Variants in PCDHGA5 observed in about 807,000 individuals in gnomAD.
PCDHGA5 encodes protocadherin gamma subfamily A, 5.
In PCDHGA5, 36 loss-of-function variants were observed where a neutral mutation model predicts 56.7. The ratio of observed to expected loss-of-function variants is 0.64; its 90% CI spans 0.49 to 0.84. The LOEUF (loss-of-function observed/expected upper bound fraction) is 0.84. PCDHGA5 is among the 40% of genes least tolerant of loss of function. PCDHGA5 has a pLI of 0.00. For missense variants in PCDHGA5, 1,305 were observed against 1,201.5 expected, an observed-to-expected ratio of 1.09 and a Z score of -1.27; for synonymous variants, 563 against 520.2, an observed-to-expected ratio of 1.08 and a Z score of -1.12.
intron 1 of PCDHGA5, chr5:141,374,825 C>A (rs11575953): frequency 0.017 from 27,610 of 1,613,884 alleles, 291 homozygotes; most frequent in African/African-American, 0.03. Context: ...GCCTGTCTAC[C>A]GTGTAAGTGT....
rs750876131 is a variant in PCDHGA5 at position 141,366,508 on chromosome 5, G to C, written c.2178G>C (p.Gln726His). 2.5e-6 allele frequency: 4 copies of C among 1,614,144 alleles called. No individual in the cohort carries two copies. The African/African-American group carries it at 5.3e-5, about 22-fold the overall frequency. Reference sequence around the variant, plus strand: ...GCTGGCACAAGTCACGCCTGCTTCAGGCTGAAGGCAGCAGGTTGGCGGGTG... The same window carrying C: ...GCTGGCACAAGTCACGCCTGCTTCACGCTGAAGGCAGCAGGTTGGCGGGTG... Reference protein sequence around the residue: ...LRRWHKSRLLQAEGSRLAGVP... With the variant: ...LRRWHKSRLLHAEGSRLAGVP... The change falls in exon 1 of 4, where the codon CAG (glutamine) becomes CAC (histidine). Residue 726 changes from glutamine (Q) to histidine (H), a missense_variant. Transcript: ENST00000518069.
chr5:141,410,817 A>T, intron 1 of PCDHGA5: 1 of 524,252 alleles, frequency 1.9e-6, no homozygotes, highest in Non-Finnish European at 3.1e-6. Context: ...TTGTAAAATA[A>T]TGTCACCAGA....
chr5:141,365,396 A>G lies in PCDHGA5; in HGVS notation c.1066A>G (p.Ile356Val), dbSNP rs554930491. ...GATCCTCACCTCTCTGACCAGTTCG[A>G]TCTCTGAAGACTGTCTTCCCGGAAC... ...EVILTSLTSSISEDCLPGTVI... is the reference protein window; with the variant it reads ...EVILTSLTSSVSEDCLPGTVI... The change falls in exon 1 of 4, where the codon ATC becomes GTC. Residue 356 changes from isoleucine to valine, a missense_variant. Coordinates refer to ENST00000518069, the MANE Select transcript of PCDHGA5 (RefSeq NM_018918.3). The G allele has an allele frequency of 3.7e-6, 6 of 1,613,940 alleles. No individual in the cohort carries two copies. The Admixed American group carries it at 1.0e-4, about 27-fold the overall frequency.
intron 1 of PCDHGA5, chr5:141,389,189 C>CATCA: frequency 6.2e-7 from 1 of 1,614,032 alleles, no homozygotes; most frequent in Non-Finnish European, 8.5e-7. Context: ...CCAGTTCCAG[C>CATCA]ATCACCCTGC....
chr5:141,462,242 G>A (rs1325040495), intron 1 of PCDHGA5, among the ~76,000 whole-genome samples: 3 of 152,234 alleles, frequency 2.0e-5, no homozygotes, highest in Non-Finnish European at 4.4e-5. Context: ...TTACAGGTAT[G>A]AGCCACCATG....
chr5:141,487,671 G>A lies in PCDHGA5; in HGVS notation c.2422-7136G>A. The A allele has an allele frequency of 6.2e-7, 1 of 1,612,012 alleles. No homozygotes were observed. The highest frequency in any genetic ancestry group is 8.5e-7 in the Non-Finnish European group (1 of 1,178,932). ...GAGGGTTATTCTGATCCAGGCATAT[G>A]GCTAGGCCATGTCCTAGAGAGTACT... On this transcript the variant is annotated intron_variant, in intron 1 of 3. Transcript: ENST00000518069. This position sits in a 1 kb window ranked among gnomAD's most constrained non-coding sequence, Gnocchi z 5.0.
Position 141,366,286 on chromosome 5 carries a change from C to T in PCDHGA5, c.1956C>T (p.Pro652=). The change falls in exon 1 of 4, where the codon CCC becomes CCT. Residue 652 remains proline, a synonymous_variant. Transcript: ENST00000518069. ...TGGCCGTCGAAGACCATGGCCAGCCCCCTCTGTCAGCCACCTTCACGGTCA... is the reference window on the plus strand; with the variant it reads ...TGGCCGTCGAAGACCATGGCCAGCCTCCTCTGTCAGCCACCTTCACGGTCA... ...LVVAVEDHGQ[P]PLSATFTVTV... is the part of the protein sequence containing the mutation. 1 of 1,613,720 alleles carries T rather than the reference C, an allele frequency of 6.2e-7. No individual in the cohort carries two copies.
intron 1 of PCDHGA5, among the ~76,000 whole-genome samples, chr5:141,445,778 T>G (rs1045010487): frequency 6.6e-6 from 1 of 152,190 alleles, no homozygotes; most frequent in East Asian, 1.9e-4. Context: ...TTAAAAGGGC[T>G]AGGGAGGCTA....
At chr5:141,419,378 G>A in intron 1 of PCDHGA5, 3 of 1,613,710 alleles carry the variant, frequency 1.9e-6, no homozygotes, top group Non-Finnish European at 2.5e-6. Context: ...CTACGTGTCC[G>A]TGAGCGCGCA....
chr5:141,384,953 A>G, intron 1 of PCDHGA5: 1 of 1,613,944 alleles, frequency 6.2e-7, no homozygotes, highest in Non-Finnish European at 8.5e-7. Context: ...GACGGTCCTT[A>G]CAACTATGAC....
chr5:141,427,914 A>G (rs757621783), intron 1 of PCDHGA5: 123 of 1,576,802 alleles, frequency 7.8e-5, no homozygotes, highest in Non-Finnish European at 7.6e-5. Context: ...CAGCGCCAAC[A>G]TGAGCCGGCG....
At chr5:141,506,191 C>T (rs932500250) in intron 3 of PCDHGA5, among the ~76,000 whole-genome samples, 8 of 152,182 alleles carry the variant, frequency 5.3e-5, no homozygotes, top group African/African-American at 1.9e-4. Flanking sequence ...TGGCTCACGC[C>T]TGTAATCCCA....
chr5:141,371,799 GCCT>G, intron 1 of PCDHGA5: 21 of 1,613,926 alleles, frequency 1.3e-5, no homozygotes, highest in Non-Finnish European at 1.7e-5. Context: ...TCCGCCTGGA[GCCT>G]CCATTGCGCA....
intron 1 of PCDHGA5, chr5:141,393,263 A>T: frequency 6.2e-7 from 1 of 1,613,926 alleles, no homozygotes; most frequent in African/African-American, 1.3e-5. Flanking sequence ...TTCCTGGAGC[A>T]CGTTATCCAC....
intron 1 of PCDHGA5, among the ~76,000 whole-genome samples, chr5:141,460,951 G>GTATATA (rs200454978): frequency 7.2e-6 from 1 of 139,722 alleles, no homozygotes; most frequent in African/African-American, 2.8e-5. Flanking sequence ...TATGTATTAT[G>GTATATA]TATATATATA....
chr5:141,505,591 G>C (rs2099846959), intron 3 of PCDHGA5, 110 bp downstream of exon 3: 2 of 1,570,280 alleles, frequency 1.3e-6, no homozygotes, highest in African/African-American at 2.7e-5. Flanking sequence ...AGTTTCTCCA[G>C]ATCTTTCGGC....
intron 1 of PCDHGA5, among the ~76,000 whole-genome samples, chr5:141,430,360 T>C (rs570966246): frequency 1.8e-4 from 27 of 151,522 alleles, no homozygotes; most frequent in Middle Eastern, 3.4e-3. Flanking sequence ...TAAAAGCTCA[T>C]TGGGGAAAAA....
At chr5:141,426,919 C>T (rs1220443930) in intron 1 of PCDHGA5, 1 of 456,620 alleles carries the variant, frequency 2.2e-6, no homozygotes, top group African/African-American at 2.0e-5. Flanking sequence ...GTCCTGGAAG[C>T]AATGGACATG....
chr5:141,503,547 C>T (rs545918096), intron 2 of PCDHGA5, among the ~76,000 whole-genome samples: 22 of 147,734 alleles, frequency 1.5e-4, no homozygotes, highest in African/African-American at 4.8e-4. Flanking sequence ...TGCAGTGAGC[C>T]GAGATCGCGC....
Sources: allele counts gnomAD v4.1 joint callset (sites outside exome capture counted in the v4.1 genomes callset), GRCh38; gene constraint gnomAD v4.1.1; non-coding constraint Gnocchi (gnomAD v3.1); transcripts MANE v1.5; gene names NCBI Gene and HGNC (gene_info 2026-07-23, HGNC 2026-07-21).